Variants in TRIO observed in about 807,000 individuals in gnomAD.
The protein encoded by TRIO is triple functional domain protein.
A neutral mutation model predicts 351.9 loss-of-function variants in TRIO; 58 were observed. That is an observed-to-expected ratio of 0.16 (90% CI 0.13 to 0.21). The LOEUF (loss-of-function observed/expected upper bound fraction) is 0.21, where lower values mean the gene tolerates loss of function less well. Among genes scored for constraint, TRIO ranks in the 10% least tolerant of loss-of-function variants. The probability of loss-of-function intolerance (pLI) is 1.00; values close to 1 mark genes in which losing one functional copy is unlikely to be tolerated. For missense variants in TRIO, 3,201 were observed against 4,027.8 expected (o/e 0.79, Z 5.56); for synonymous variants, 1,758 against 1,595.7 (o/e 1.10, Z -2.42).
intron 47 of TRIO, among the ~76,000 whole-genome samples, chr5:14,486,857 T>TG (rs2126631138): frequency 6.6e-6 from 1 of 152,196 alleles, no homozygotes; most frequent in African/African-American, 2.4e-5. Flanking sequence ...GGGCTGGGGC[T>TG]GGGGGGCTGC....
Position 14,368,756 on chromosome 5 carries a change from C to G in TRIO, c.2923C>G (p.Leu975Val), listed in dbSNP as rs748352066. The stretch of plus-strand genomic sequence containing the variant: ...GGTGCAGCAGAAGGCAGAAGCCATG[C>G]TACAGGCCAACCACTACGACATGGA... ...LQVQQKAEAM[L>V]QANHYDMDMI... The change falls in exon 17 of 57, where the codon CTA (leucine) becomes GTA (valine). Residue 975 changes from leucine to valine, a missense_variant. By Grantham distance (32) the Leu-to-Val change is conservative (BLOSUM62 1). Coordinates refer to ENST00000344204, the MANE Select transcript of TRIO (RefSeq NM_007118.4). 1.2e-6 allele frequency: 2 copies of G among 1,613,988 alleles called. No homozygotes were observed. The highest frequency in any genetic ancestry group is 2.7e-5 in the African/African-American group (2 of 74,914).
Position 14,497,784 on chromosome 5 carries a change from T to C in TRIO, c.8020-63T>C. 3 of 1,602,738 alleles carry C rather than the reference T, an allele frequency of 1.9e-6. No individual in the cohort carries two copies. Among genetic ancestry groups the C allele is most frequent in the Non-Finnish European group, 2.6e-6 (3 of 1,169,820 alleles). On this transcript the variant is annotated intron_variant, in intron 50 of 56. Coordinates refer to ENST00000344204, the MANE Select transcript of TRIO (RefSeq NM_007118.4). This position sits in a 1 kb window ranked among gnomAD's most constrained non-coding sequence, Gnocchi z 4.4. ...TTCAACAATAATTGTAGCCCTGGAA[T>C]GAAAGGAATACACCTTAAAGTAGCT...
intron 43 of TRIO, 55 bp from the exon 44 acceptor site, chr5:14,481,179 G>T (rs1755483768): frequency 6.4e-7 from 1 of 1,561,836 alleles, no homozygotes; most frequent in East Asian, 2.3e-5. Context: ...AAAATAAAAG[G>T]TCAGCTGCTG....
chr5:14,150,995 A>G (rs900604755), intron 1 of TRIO, among the ~76,000 whole-genome samples: 10 of 152,208 alleles, frequency 6.6e-5, no homozygotes, highest in African/African-American at 2.4e-4. Context: ...GCTGCTTCAA[A>G]ATTTCCCACT....
At chr5:14,370,393 T>G (rs1382941385) in intron 18 of TRIO, among the ~76,000 whole-genome samples, 1 of 152,194 alleles carries the variant, frequency 6.6e-6, no homozygotes, top group Non-Finnish European at 1.5e-5. Context: ...TGTTCTGTGT[T>G]GCATTCTTGG....
chr5:14,322,758 C>A (rs911480362), intron 9 of TRIO, among the ~76,000 whole-genome samples: 2 of 152,236 alleles, frequency 1.3e-5, no homozygotes, highest in African/African-American at 4.8e-5. Flanking sequence ...TTAACACTTG[C>A]TTCTGTTTAC....
At chr5:14,283,166 G>C (rs1736149133) in intron 3 of TRIO, among the ~76,000 whole-genome samples, 1 of 152,214 alleles carries the variant, frequency 6.6e-6, no homozygotes, top group African/African-American at 2.4e-5. Flanking sequence ...TTTTGCTTAT[G>C]TGTAGTTTGT....
Position 14,388,483 on chromosome 5 carries a change from C to A in TRIO, c.3882-130C>A, listed in dbSNP as rs569975089. On this transcript the variant is annotated intron_variant, in intron 23 of 56. Coordinates refer to ENST00000344204, the MANE Select transcript of TRIO (RefSeq NM_007118.4). ...GGTGGATACTGTTCTATTTGTGATT[C>A]ACCTCTCCAAAATGATCAATCTAAG... 64 of 868,962 alleles carry A rather than the reference C, an allele frequency of 7.4e-5. 1 individual carries two copies. The South Asian group carries it at 8.6e-4, about 12-fold the overall frequency. The allele number at this position is 868,962 out of a possible 1,614,324, so 53.8% of individuals were successfully genotyped here. A position where few individuals can be genotyped will look rare whatever the true frequency, so the allele number is the denominator to read the frequency against.
At chr5:14,454,644 C>T (rs1456034817) in intron 34 of TRIO, among the ~76,000 whole-genome samples, 2 of 152,188 alleles carry the variant, frequency 1.3e-5, no homozygotes, top group African/African-American at 4.8e-5. Context: ...GTGTATGCCA[C>T]GCTGCCTGCT....
At chr5:14,317,712 C>T (rs904943827) in intron 9 of TRIO, among the ~76,000 whole-genome samples, 1 of 152,180 alleles carries the variant, frequency 6.6e-6, no homozygotes, top group African/African-American at 2.4e-5. Flanking sequence ...GTTGAATGGG[C>T]CAGGTGCGGT....
At chr5:14,422,176 C>G (rs1750222948) in intron 34 of TRIO, among the ~76,000 whole-genome samples, 1 of 151,564 alleles carries the variant, frequency 6.6e-6, no homozygotes, top group African/African-American at 2.5e-5. Flanking sequence ...ATCATTCTGG[C>G]AGCTGGGTAA....
chr5:14,160,652 T>C (rs1009660453), intron 1 of TRIO, among the ~76,000 whole-genome samples: 2 of 152,358 alleles, frequency 1.3e-5, no homozygotes, highest in South Asian at 2.1e-4. Context: ...GTCTACCTAA[T>C]TGAAATTGCC....
intron 1 of TRIO, among the ~76,000 whole-genome samples, chr5:14,207,399 C>T (rs1791579786): frequency 3.8e-5 from 1 of 26,094 alleles, no homozygotes; most frequent in Non-Finnish European, 1.4e-4. Flanking sequence ...TACACACACA[C>T]ACACACACAC....
chr5:14,487,961 C>T lies in TRIO; in HGVS notation c.7333C>T (p.Pro2445Ser). 6.4e-7 allele frequency: 1 copy of T among 1,550,740 alleles called. No individual in the cohort carries two copies. The highest frequency in any genetic ancestry group is 8.7e-7 in the Non-Finnish European group (1 of 1,148,026). ...CGCGCGCGCTAGCCTGGGCACCCTG[C>T]CGCTTGGGAAGCCCCGGGCCGGGGC... is the stretch of plus-strand genomic sequence containing the variant. ...KDARASLGTL[P>S]LGKPRAGAAS... The change falls in exon 48 of 57, where the codon CCG becomes TCG. Residue 2445 changes from proline to serine, a missense_variant. Around this residue, in one of 19 missense-constraint regions of TRIO, gnomAD observed 1,089 missense variants for 954.9 expected, o/e 1.14. Transcript: ENST00000344204.
Position 14,318,279 on chromosome 5 carries a change from C to CAAAAA in TRIO, c.1731+1558_1731+1562dup, listed in dbSNP as rs759632595. Among the ~76,000 whole-genome samples, 35 of 46,510 alleles carry CAAAAA rather than the reference C, an allele frequency of 7.5e-4. 1 individual carries two copies. The highest frequency in any genetic ancestry group is 2.6e-3 in the African/African-American group (32 of 12,528). 30.5% of individuals were successfully genotyped at this position (46,510 alleles called of 152,430 possible). The stretch of plus-strand genomic sequence containing the variant: ...ATTGCACTCCAGCAAGACTCTATCT[C>CAAAAA]AAAAAAAAAAAAAAAAAAAAAAAAA... On this transcript the variant is annotated intron_variant, in intron 9 of 56. Coordinates refer to ENST00000344204, the MANE Select transcript of TRIO (RefSeq NM_007118.4).
At chr5:14,380,473 G>C (rs1746004037) in intron 20 of TRIO, among the ~76,000 whole-genome samples, 1 of 152,118 alleles carries the variant, frequency 6.6e-6, no homozygotes, top group Non-Finnish European at 1.5e-5. Context: ...TTGCCCCTCT[G>C]CTCCAGGGCG....
chr5:14,469,321 T>C (rs918588211), intron 37 of TRIO, among the ~76,000 whole-genome samples: 1 of 152,062 alleles, frequency 6.6e-6, no homozygotes, highest in African/African-American at 2.4e-5. Flanking sequence ...TAAGAAATTA[T>C]AAGAGAGGAA....
intron 33 of TRIO, among the ~76,000 whole-genome samples, chr5:14,413,634 A>G (rs1749386247): frequency 6.6e-6 from 1 of 152,234 alleles, no homozygotes; most frequent in Admixed American, 6.5e-5. Context: ...ATAAAACCAC[A>G]AACTGAATGT....
At chr5:14,287,786 T>C (rs903408307) in intron 4 of TRIO, among the ~76,000 whole-genome samples, 5 of 152,212 alleles carry the variant, frequency 3.3e-5, no homozygotes, top group African/African-American at 1.2e-4. Context: ...TGGAATAAGA[T>C]TTTAATATTT....
Sources: gnomAD v4.1 joint callset for allele counts (sites outside exome capture counted in the v4.1 genomes callset) on GRCh38, gnomAD v4.1.1 for gene constraint, gnomAD v4.1.1 regional missense constraint, Gnocchi (gnomAD v3.1) non-coding constraint, MANE v1.5 for transcripts, NCBI Gene and HGNC (gene_info 2026-07-23, HGNC 2026-07-21) for gene names.